The following IQCK variants were observed in gnomAD, a reference collection of about 807,000 sequenced individuals.
IQCK encodes the protein IQ domain-containing protein K.
In IQCK, 29 loss-of-function variants were observed where a neutral mutation model predicts 28.1. That is an observed-to-expected ratio of 1.03 (90% confidence interval 0.77 to 1.41). IQCK has a LOEUF of 1.41. Ranked by LOEUF, IQCK falls within the 40% of genes most tolerant of loss-of-function variation. The probability of loss-of-function intolerance (pLI) is 0.00; values close to 1 mark genes in which losing one functional copy is unlikely to be tolerated. For synonymous variants in IQCK, 113 were observed against 115.1 expected (o/e 0.98, Z 0.12); for missense variants, 359 against 314.7 (o/e 1.14, Z -1.07).
At chr16:19,750,513 G>A (rs1034268325) in intron 4 of IQCK, among the ~76,000 whole-genome samples, 1 of 151,956 alleles carries the variant, frequency 6.6e-6, no homozygotes, top group African/African-American at 2.4e-5. Flanking sequence ...CCAGGCTGGA[G>A]TGCAGTGGCA....
At chr16:19,840,999 G>T (rs928597040) in intron 9 of IQCK, among the ~76,000 whole-genome samples, 17 of 152,302 alleles carry the variant, frequency 1.1e-4, no homozygotes, top group Non-Finnish European at 2.1e-4. Flanking sequence ...CCAGTCCAAG[G>T]CTGTTGACAC....
intron 6 of IQCK, among the ~76,000 whole-genome samples, chr16:19,782,991 C>T (rs11074408): frequency 6.7e-6 from 1 of 148,898 alleles, no homozygotes; most frequent in African/African-American, 2.5e-5. Flanking sequence ...GATTCTTCTT[C>T]TTTTTTTGTG....
chr16:19,841,096 T>C (rs1316593847), intron 9 of IQCK, among the ~76,000 whole-genome samples: 1 of 152,242 alleles, frequency 6.6e-6, no homozygotes, highest in Admixed American at 6.5e-5. Flanking sequence ...ATTATCTCTT[T>C]TAAATTATCT....
chr16:19,731,578 G>A (rs1977840219), intron 2 of IQCK, among the ~76,000 whole-genome samples: 2 of 152,178 alleles, frequency 1.3e-5, no homozygotes, highest in Admixed American at 1.3e-4. Flanking sequence ...CAGCTGTTCT[G>A]ACAATATATG....
At chr16:19,826,960 A>C in intron 7 of IQCK, 66 bp from the exon 8 acceptor site, 1 of 978,212 alleles carries the variant, frequency 1.0e-6, no homozygotes, top group Non-Finnish European at 1.6e-6. Flanking sequence ...TTTTCCATGC[A>C]GGGTTAATAA....
chr16:19,770,233 C>T (rs904498186), intron 6 of IQCK, among the ~76,000 whole-genome samples: 2 of 152,186 alleles, frequency 1.3e-5, no homozygotes, highest in African/African-American at 2.4e-5. Flanking sequence ...GGCACTTACT[C>T]TAAGTCATGT....
chr16:19,724,645 C>T (rs1183373272), intron 1 of IQCK, among the ~76,000 whole-genome samples: 6 of 152,118 alleles, frequency 3.9e-5, no homozygotes, highest in East Asian at 3.9e-4. Flanking sequence ...TCTCCTGCCT[C>T]AGCGTCCTGA....
intron 7 of IQCK, among the ~76,000 whole-genome samples, chr16:19,826,619 C>A (rs8055736): frequency 0.02 from 3,088 of 152,316 alleles, 111 homozygotes; most frequent in African/African-American, 0.071. Context: ...CTCAGGTGAT[C>A]TGCCAGCCTC....
intron 7 of IQCK, among the ~76,000 whole-genome samples, chr16:19,822,219 C>G (rs577041259): frequency 2.7e-5 from 4 of 150,476 alleles, no homozygotes; most frequent in African/African-American, 9.8e-5. Context: ...AACCCCATCT[C>G]TACTAAAAAT....
chr16:19,752,116 T>G (rs2054994866), intron 4 of IQCK, among the ~76,000 whole-genome samples: 1 of 152,318 alleles, frequency 6.6e-6, no homozygotes, highest in African/African-American at 2.4e-5. Flanking sequence ...TAAATAGCAT[T>G]ATGAAGATTA....
chr16:19,730,408 A>G (rs988643848), intron 1 of IQCK, 22 bp from the exon 2 acceptor site: 1 of 1,564,802 alleles, frequency 6.4e-7, no homozygotes, highest in African/African-American at 1.4e-5. Context: ...GGAATTGAGG[A>G]TTTTTTTTCC....
intron 1 of IQCK, among the ~76,000 whole-genome samples, chr16:19,721,222 T>C (rs1182157776): frequency 6.6e-6 from 1 of 151,424 alleles, no homozygotes; most frequent in African/African-American, 2.5e-5. Flanking sequence ...TACTACATTC[T>C]CTTAAGATAA....
intron 4 of IQCK, among the ~76,000 whole-genome samples, chr16:19,740,076 A>G (rs562780029): frequency 1.3e-5 from 2 of 152,316 alleles, no homozygotes; most frequent in African/African-American, 4.8e-5. Context: ...CTCCTAGTAA[A>G]TGGGAGTTGG....
rs115625265 is a variant in IQCK at position 19,802,567 on chromosome 16, T to C, written c.690+13645T>C. Reference sequence around the variant, plus strand: ...CAAGAAATATTGGCTGTTGTTGTTATTGTTGTTGCAGCTGTTGGCTCTATT... The same window carrying C: ...CAAGAAATATTGGCTGTTGTTGTTACTGTTGTTGCAGCTGTTGGCTCTATT... On this transcript the variant is annotated intron_variant, in intron 7 of 7. Transcript: ENST00000564186. Among the ~76,000 whole-genome samples, 526 of 131,900 alleles carry C rather than the reference T, an allele frequency of 4.0e-3. 2 individuals are homozygous for C. Among genetic ancestry groups the C allele is most frequent in the Middle Eastern group, 0.014 (4 of 284 alleles). 86.5% of individuals were successfully genotyped at this position (131,900 alleles called of 152,430 possible). A position where few individuals can be genotyped will look rare whatever the true frequency, so the allele number is the denominator to read the frequency against.
intron 4 of IQCK, among the ~76,000 whole-genome samples, chr16:19,751,240 C>T (rs2054982298): frequency 6.6e-6 from 1 of 152,084 alleles, no homozygotes; most frequent in South Asian, 2.1e-4. Flanking sequence ...CACCCGTTAT[C>T]CCAGCACTTT....
At chr16:19,737,992 G>C (rs2054780858) in intron 4 of IQCK, among the ~76,000 whole-genome samples, 1 of 152,146 alleles carries the variant, frequency 6.6e-6, no homozygotes, top group Non-Finnish European at 1.5e-5. Flanking sequence ...AGATTTCAGA[G>C]TATTTCATCT....
intron 9 of IQCK, among the ~76,000 whole-genome samples, chr16:19,852,113 G>A (rs2056490724): frequency 6.6e-6 from 1 of 152,166 alleles, no homozygotes; most frequent in Admixed American, 6.5e-5. Flanking sequence ...CATGATAGGT[G>A]AGGGTTAGCT....
At chr16:19,782,155 C>T (rs555756624) in intron 6 of IQCK, among the ~76,000 whole-genome samples, 3 of 152,166 alleles carry the variant, frequency 2.0e-5, no homozygotes, top group South Asian at 4.2e-4. Flanking sequence ...CAGCATGTGC[C>T]GTCTTTGTAA....
intron 1 of IQCK, among the ~76,000 whole-genome samples, chr16:19,720,595 T>C (rs1486810876): frequency 6.6e-6 from 1 of 152,236 alleles, no homozygotes; most frequent in African/African-American, 2.4e-5. Context: ...CAAAGAAACA[T>C]GCCTTGTGTT....
Sources: gnomAD v4.1 joint callset for allele counts (sites outside exome capture counted in the v4.1 genomes callset) on GRCh38, gnomAD v4.1.1 for gene constraint, MANE v1.5 for transcripts, NCBI Gene and HGNC (gene_info 2026-07-23, HGNC 2026-07-21) for gene names.